The following SNX30 variants were observed in gnomAD, a reference collection of about 807,000 sequenced individuals.
The protein encoded by SNX30 is sorting nexin family member 30.
Under a neutral mutation model 46.4 loss-of-function variants are expected in SNX30, and 24 were observed. The ratio of observed to expected loss-of-function variants is 0.52; its 90% CI spans 0.37 to 0.73. The LOEUF is 0.73. SNX30 is among the 30% of genes least tolerant of loss of function. The pLI is 0.00. For synonymous variants in SNX30, 189 were observed against 211.5 expected, an observed-to-expected ratio of 0.89 and a Z score of 0.92; for missense variants, 533 against 555.7, an observed-to-expected ratio of 0.96 and a Z score of 0.41.
At chr9:112,818,040 C>T (rs904111491) in intron 3 of SNX30, among the ~76,000 whole-genome samples, 10 of 152,056 alleles carry the variant, frequency 6.6e-5, no homozygotes, top group Non-Finnish European at 1.3e-4. Context: ...TTAGCCACAG[C>T]GGCAGAAATC....
At chr9:112,865,440 G>A (rs1299037301) in intron 8 of SNX30, among the ~76,000 whole-genome samples, 1 of 151,654 alleles carries the variant, frequency 6.6e-6, no homozygotes, top group Non-Finnish European at 1.5e-5. Context: ...AGGCAATGTA[G>A]TGGGACTGTC....
intron 1 of SNX30, among the ~76,000 whole-genome samples, chr9:112,796,065 G>T (rs1014688876): frequency 1.5e-4 from 23 of 152,286 alleles, no homozygotes; most frequent in African/African-American, 4.1e-4. Flanking sequence ...GCATGAAACT[G>T]CTGGGTGGTT....
intron 1 of SNX30, among the ~76,000 whole-genome samples, chr9:112,790,176 T>C (rs971051255): frequency 6.6e-6 from 1 of 152,196 alleles, no homozygotes; most frequent in Non-Finnish European, 1.5e-5. Context: ...AGACTTACTA[T>C]CAATAGTTAA....
Position 112,775,542 on chromosome 9 carries a change from T to TTTTGTG in SNX30, c.156+24386_156+24387insTTGTGT, listed in dbSNP as rs1554749284. On this transcript the variant is annotated intron_variant, in intron 1 of 8. Transcript: ENST00000374232. ...GTGGCTTGTCCTTTTTATTTTAAAT[T>TTTTGTG]TGTGTGTGTGTGTGTGTGTGTGTGT... Among the ~76,000 whole-genome samples the TTTTGTG allele has an allele frequency of 4.5e-4, 59 of 131,410 alleles. 1 individual carries two copies. The South Asian group carries it at 5.7e-3, about 13-fold the overall frequency. 86.2% of individuals were successfully genotyped at this position (131,410 alleles called of 152,430 possible).
chr9:112,885,394 AAATCCTGTG>A, downstream of SNX30: 1 of 151,310 alleles, frequency 6.6e-6, no homozygotes, highest in East Asian at 1.9e-4. Flanking sequence ...AATCTATATC[AAATCCTGTG>A]GATACATGTA....
At position 112,817,018 on chromosome 9, in the gene SNX30, G is replaced by A. The variant is rs117233786; in HGVS notation, c.349-687G>A. Among the ~76,000 whole-genome samples, 1,016 of 152,252 alleles carry A rather than the reference G, an allele frequency of 6.7e-3. 5 individuals carry two copies. Among genetic ancestry groups the A allele is most frequent in the Middle Eastern group, 0.024 (7 of 294 alleles). ...GAGATTATTAATATTTTTCTGCAAT[G>A]CAATGGCATTTTTGTATTATTTCTA... is the stretch of plus-strand genomic sequence containing the variant. On this transcript the variant is annotated intron_variant, in intron 2 of 8. Coordinates refer to ENST00000374232, the MANE Select transcript of SNX30 (RefSeq NM_001012994.2).
intron 2 of SNX30, among the ~76,000 whole-genome samples, chr9:112,816,989 G>A (rs1420371737): frequency 1.3e-5 from 2 of 152,068 alleles, no homozygotes; most frequent in East Asian, 1.9e-4. Flanking sequence ...TGAGAAAAAG[G>A]GATGAGATTA....
At chr9:112,880,462 A>G (rs1479352802) in exon 5 of SNX30, 1 of 154,056 alleles carries the variant, frequency 6.5e-6, no homozygotes, top group Non-Finnish European at 1.5e-5. Context: ...CAAGGAACCA[A>G]CTCAGCACAG....
intron 1 of SNX30, among the ~76,000 whole-genome samples, chr9:112,785,994 G>A (rs529807056): frequency 1.3e-5 from 2 of 152,192 alleles, no homozygotes; most frequent in Admixed American, 1.3e-4. Flanking sequence ...GGAAATAAAA[G>A]CATCTTTAGA....
At chr9:112,820,056 A>G (rs1840468789) in intron 3 of SNX30, among the ~76,000 whole-genome samples, 1 of 152,204 alleles carries the variant, frequency 6.6e-6, no homozygotes, top group African/African-American at 2.4e-5. Flanking sequence ...GCGCAAAGGT[A>G]AGACAGTGAC....
chr9:112,851,858 G>A (rs766853808), intron 7 of SNX30, among the ~76,000 whole-genome samples: 1 of 152,158 alleles, frequency 6.6e-6, no homozygotes, highest in African/African-American at 2.4e-5. Context: ...CTGCTCCTGG[G>A]TGGGATTGCA....
At chr9:112,836,452 T>C (rs1217686647) in intron 5 of SNX30, 43 bp downstream of exon 5, 2 of 1,550,604 alleles carry the variant, frequency 1.3e-6, no homozygotes, top group Admixed American at 1.7e-5. Context: ...TGCAGCCACA[T>C]TGGCAGAAAT....
downstream of SNX30, chr9:112,879,136 A>T (rs1479471740): frequency 6.6e-6 from 1 of 152,250 alleles, no homozygotes; most frequent in Non-Finnish European, 1.5e-5. Flanking sequence ...CAGTAGTAAC[A>T]AAACTACCCA....
intron 3 of SNX30, among the ~76,000 whole-genome samples, chr9:112,827,327 C>G (rs367984385): frequency 1.3e-5 from 2 of 152,164 alleles, no homozygotes; most frequent in African/African-American, 4.8e-5. Context: ...TAGTTTTTAC[C>G]TAGCACCAAC....
chr9:112,755,764 G>A (rs532929830), intron 1 of SNX30, among the ~76,000 whole-genome samples: 1 of 152,030 alleles, frequency 6.6e-6, no homozygotes, highest in South Asian at 2.1e-4. Context: ...TGATGTCGGG[G>A]ATCTGTCACT....
intron 1 of SNX30, among the ~76,000 whole-genome samples, chr9:112,754,671 T>A (rs1182611909): frequency 1.3e-5 from 2 of 152,084 alleles, no homozygotes; most frequent in Non-Finnish European, 2.9e-5. Context: ...CTCCCAAAGT[T>A]CTGGGATTAC....
At chr9:112,883,695 CTTTTCT>C (rs1450387271), downstream of SNX30, among the ~76,000 whole-genome samples, 156 of 111,250 alleles carry the variant, frequency 1.4e-3, no homozygotes, top group African/African-American at 2.2e-3. Context: ...TTTCTTTTTT[CTTTTCT>C]TTTTTTTTTT....
chr9:112,871,408 C>A lies in SNX30; in HGVS notation c.*2565C>A, dbSNP rs977903792. 6.6e-6 allele frequency: 1 copy of A among 152,204 alleles called. No individual in the cohort carries two copies. Among genetic ancestry groups the A allele is most frequent in the Middle Eastern group, 3.4e-3 (1 of 292 alleles). 9.4% of individuals were successfully genotyped at this position (152,204 alleles called of 1,614,324 possible). ...AGGGCCAGCAGTCCCAACCATTTGC[C>A]TCTTCGTTTTGACCAAGCACAAAAG... On this transcript the variant is annotated 3_prime_UTR_variant, in exon 9 of 9. Transcript: ENST00000374232.
chr9:112,765,735 A>G (rs142201788), intron 1 of SNX30, among the ~76,000 whole-genome samples: 200 of 152,356 alleles, frequency 1.3e-3, no homozygotes, highest in African/African-American at 4.4e-3. Context: ...GATTACCACA[A>G]TTAAGCTAGC....
Sources: allele counts gnomAD v4.1 joint callset (sites outside exome capture counted in the v4.1 genomes callset), GRCh38; gene constraint gnomAD v4.1.1; transcripts MANE v1.5; gene names NCBI Gene and HGNC (gene_info 2026-07-23, HGNC 2026-07-21).